NKAIN2: variants seen among roughly 807,000 people sequenced by gnomAD.
NKAIN2 encodes the protein sodium/potassium-transporting ATPase subunit beta-1-interacting protein 2.
In NKAIN2, 14 loss-of-function variants were observed where a neutral mutation model predicts 32.6. That is an observed-to-expected ratio of 0.43 (90% confidence interval 0.28 to 0.67). The LOEUF is 0.67. NKAIN2 is among the 30% of genes least tolerant of loss of function. NKAIN2 has a pLI of 0.17. For synonymous variants in NKAIN2, 80 were observed against 87.2 expected (o/e 0.92, Z 0.46); for missense variants, 198 against 258.3 (o/e 0.77, Z 1.60).
At chr6:124,703,794 A>G (rs2114576845) in intron 4 of NKAIN2, among the ~76,000 whole-genome samples, 1 of 152,144 alleles carries the variant, frequency 6.6e-6, no homozygotes, top group South Asian at 2.1e-4. Context: ...GCCAAGAAAT[A>G]TAAAATTTAC....
chr6:124,352,775 T>A (rs1257917858), intron 2 of NKAIN2, among the ~76,000 whole-genome samples: 1 of 152,186 alleles, frequency 6.6e-6, no homozygotes, highest in Non-Finnish European at 1.5e-5. Flanking sequence ...AACTTAAATG[T>A]CTCCTTAGAT....
intron 3 of NKAIN2, among the ~76,000 whole-genome samples, chr6:124,569,214 C>A (rs531484842): frequency 6.6e-6 from 1 of 152,266 alleles, no homozygotes; most frequent in African/African-American, 2.4e-5. Context: ...TCTTGGAATT[C>A]TTTTCTCACT....
intron 4 of NKAIN2, among the ~76,000 whole-genome samples, chr6:124,779,243 AAGAAAG>A (rs1562378714): frequency 2.2e-5 from 1 of 45,850 alleles, no homozygotes; most frequent in Non-Finnish European, 4.0e-5. Context: ...GACTCCAACA[AAGAAAG>A]AGAGAGAGAG....
intron 3 of NKAIN2, among the ~76,000 whole-genome samples, chr6:124,408,926 T>G (rs1774007009): frequency 6.6e-6 from 1 of 152,190 alleles, no homozygotes; most frequent in Non-Finnish European, 1.5e-5. Flanking sequence ...CCTTGTAAGT[T>G]GGATTCCTAG....
intron 4 of NKAIN2, among the ~76,000 whole-genome samples, chr6:124,665,880 C>T (rs994556311): frequency 1.1e-4 from 17 of 152,224 alleles, no homozygotes; most frequent in East Asian, 7.7e-4. Flanking sequence ...CTATACTGTG[C>T]GTACCGTACT....
At chr6:123,990,113 T>A (rs1283543868) in intron 1 of NKAIN2, among the ~76,000 whole-genome samples, 2 of 152,078 alleles carry the variant, frequency 1.3e-5, no homozygotes, top group African/African-American at 4.8e-5. Context: ...CAGACACTAT[T>A]TATAAAACCA....
intron 3 of NKAIN2, among the ~76,000 whole-genome samples, chr6:124,558,897 C>A (rs1265817525): frequency 6.6e-6 from 1 of 152,052 alleles, no homozygotes; most frequent in African/African-American, 2.4e-5. Context: ...TGCAGTGAGC[C>A]AAGATCATAC....
At chr6:124,165,066 A>G (rs1302422023) in intron 1 of NKAIN2, among the ~76,000 whole-genome samples, 5 of 152,254 alleles carry the variant, frequency 3.3e-5, no homozygotes, top group African/African-American at 9.6e-5. Context: ...AATGAAGATT[A>G]CTTTATTACT....
intron 3 of NKAIN2, among the ~76,000 whole-genome samples, chr6:124,618,220 G>A (rs1782978475): frequency 6.6e-6 from 1 of 152,172 alleles, no homozygotes; most frequent in Admixed American, 6.5e-5. Context: ...GCTCACACCT[G>A]TAATCCCAGC....
chr6:123,804,905 A>T (rs1018398051), intron 1 of NKAIN2, among the ~76,000 whole-genome samples: 1 of 152,224 alleles, frequency 6.6e-6, no homozygotes, highest in African/African-American at 2.4e-5. Context: ...CAATTAACAC[A>T]GACAATTCCA....
intron 2 of NKAIN2, among the ~76,000 whole-genome samples, chr6:124,287,566 A>C (rs1450686163): frequency 2.0e-5 from 3 of 152,228 alleles, no homozygotes; most frequent in African/African-American, 7.2e-5. Flanking sequence ...AAAATGAAAT[A>C]GATGTTTTCA....
intron 3 of NKAIN2, among the ~76,000 whole-genome samples, chr6:124,367,322 T>C (rs1332887102): frequency 6.6e-6 from 1 of 152,118 alleles, no homozygotes; most frequent in African/African-American, 2.4e-5. Flanking sequence ...ATATGAACAA[T>C]GCTCACTGGA....
chr6:124,265,197 C>T (rs1225534627), intron 1 of NKAIN2, among the ~76,000 whole-genome samples: 1 of 151,648 alleles, frequency 6.6e-6, no homozygotes, highest in Non-Finnish European at 1.5e-5. Flanking sequence ...TAGAAAGATA[C>T]ATGCTTTCTT....
Position 124,677,076 on chromosome 6 carries a change from C to T in NKAIN2, c.474+18690C>T, listed in dbSNP as rs532070502. Reference sequence around the variant, plus strand: ...CTCTGCCTCCTGGGTTCAAGCAATTCTCCTGCCTCAGCCTCCCAAGTAGCT... The same window carrying T: ...CTCTGCCTCCTGGGTTCAAGCAATTTTCCTGCCTCAGCCTCCCAAGTAGCT... On this transcript the variant is annotated intron_variant, in intron 4 of 6. Transcript: ENST00000368417. Among the ~76,000 whole-genome samples, 12 of 152,208 alleles carry T rather than the reference C, an allele frequency of 7.9e-5. No homozygotes were observed. In the East Asian group the frequency reaches 2.1e-3, roughly 27 times the overall value.
At chr6:123,975,366 G>T (rs1034474344) in intron 1 of NKAIN2, among the ~76,000 whole-genome samples, 5 of 152,078 alleles carry the variant, frequency 3.3e-5, no homozygotes, top group African/African-American at 1.2e-4. Flanking sequence ...CTGCATAATT[G>T]AATTATACAA....
intron 3 of NKAIN2, among the ~76,000 whole-genome samples, chr6:124,421,811 TCTC>T (rs1184292400): frequency 6.6e-5 from 10 of 152,268 alleles, no homozygotes; most frequent in African/African-American, 2.2e-4. Context: ...AGATGAGTGT[TCTC>T]CTCTTCCTGC....
At chr6:124,687,743 T>TACACACACACACACACAC (rs373594549) in intron 4 of NKAIN2, among the ~76,000 whole-genome samples, 8 of 104,368 alleles carry the variant, frequency 7.7e-5, no homozygotes, top group African/African-American at 2.6e-4. Flanking sequence ...ATATGATATA[T>TACACACACACACACACAC]ACACACACAC....
intron 1 of NKAIN2, among the ~76,000 whole-genome samples, chr6:123,810,697 C>T (rs1463038197): frequency 6.6e-6 from 1 of 151,648 alleles, no homozygotes. Context: ...TGATGAATGG[C>T]CAGTGCACAG....
At chr6:124,150,514 A>G (rs1054035950) in intron 1 of NKAIN2, among the ~76,000 whole-genome samples, 1 of 152,152 alleles carries the variant, frequency 6.6e-6, no homozygotes, top group African/African-American at 2.4e-5. Flanking sequence ...GCCACATCCT[A>G]TTCATTAATC....
Sources: allele counts gnomAD v4.1 joint callset (sites outside exome capture counted in the v4.1 genomes callset), GRCh38; gene constraint gnomAD v4.1.1; transcripts MANE v1.5; gene names NCBI Gene and HGNC (gene_info 2026-07-23, HGNC 2026-07-21).